Variants in WFS1 observed in about 807,000 individuals in gnomAD.
WFS1 encodes the protein wolframin.
WFS1 carries 90 observed loss-of-function variants against 68.5 expected under a neutral mutation model. The ratio of observed to expected loss-of-function variants is 1.31; its 90% confidence interval spans 1.11 to 1.56. WFS1 has a LOEUF of 1.56. Ranked by LOEUF, WFS1 falls within the 40% of genes most tolerant of loss-of-function variation. WFS1 has a pLI of 0.00. For missense variants in WFS1, 1,767 were observed against 1,232.6 expected (o/e 1.43, Z -6.49); for synonymous variants, 860 against 540.7 (o/e 1.59, Z -8.19).
At chr4:6,288,608 C>T (rs1730375534) in intron 3 of WFS1, 10 of 343,968 alleles carry the variant, frequency 2.9e-5, no homozygotes, top group South Asian at 2.6e-4. Context: ...CTCTCCAGCC[C>T]TGGCTTTCTA....
At position 6,301,719 on chromosome 4, in the gene WFS1, G is replaced by C; in HGVS notation, c.1924G>C (p.Ala642Pro). The change falls in exon 8 of 8, where the codon GCC (alanine) becomes CCC (proline). Residue 642 changes from alanine to proline, a missense_variant. Physicochemically the swap from Ala to Pro is conservative, Grantham distance 27 (BLOSUM62 -1). Coordinates refer to ENST00000226760, the MANE Select transcript of WFS1 (RefSeq NM_006005.3). ...MVKLILVWLT[A>P]IVLFCWFYVY... ...CAAGCTCATCCTGGTGTGGCTCACG[G>C]CCATCGTGCTGTTCTGCTGGTTCTA... The C allele has an allele frequency of 6.2e-7, 1 of 1,614,038 alleles. No individual in the cohort carries two copies. Among genetic ancestry groups the C allele is most frequent in the Non-Finnish European group, 8.5e-7 (1 of 1,180,048 alleles).
chr4:6,286,275 C>T (rs1050789590), intron 2 of WFS1, among the ~76,000 whole-genome samples: 1 of 152,096 alleles, frequency 6.6e-6, no homozygotes, highest in Admixed American at 6.6e-5. Context: ...GGAGGTGGGG[C>T]CTTTGGAGGT....
At chr4:6,276,540 G>A (rs994068493) in intron 1 of WFS1, among the ~76,000 whole-genome samples, 4 of 152,232 alleles carry the variant, frequency 2.6e-5, no homozygotes, top group African/African-American at 9.6e-5. Flanking sequence ...CTTGGGCCTG[G>A]GGTGGGGGCT....
At chr4:6,297,781 T>A (rs559439976) in intron 7 of WFS1, among the ~76,000 whole-genome samples, 1 of 152,314 alleles carries the variant, frequency 6.6e-6, no homozygotes, top group South Asian at 2.1e-4. Context: ...GAGTTGAATT[T>A]GTTTGGACCT....
chr4:6,270,117 C>T (rs1729757828), intron 1 of WFS1, 103 bp downstream of exon 1: 1 of 152,216 alleles, frequency 6.6e-6, no homozygotes, highest in Non-Finnish European at 1.5e-5. Flanking sequence ...TCAGTTTCCC[C>T]TTCCGAGCTG....
intron 2 of WFS1, among the ~76,000 whole-genome samples, chr4:6,285,517 T>A (rs530470411): frequency 3.3e-5 from 5 of 152,172 alleles, no homozygotes; most frequent in Non-Finnish European, 7.3e-5. Flanking sequence ...GATTCTTTCC[T>A]TCTCCAAACA....
chr4:6,270,307 C>T (rs1055919468), intron 1 of WFS1, among the ~76,000 whole-genome samples: 3 of 151,550 alleles, frequency 2.0e-5, no homozygotes, highest in Non-Finnish European at 1.5e-5. Flanking sequence ...ACAGCAGGCC[C>T]GAGAGGCGGA....
chr4:6,270,467 G>T (rs997482272), intron 1 of WFS1, among the ~76,000 whole-genome samples: 50 of 27,134 alleles, frequency 1.8e-3, no homozygotes, highest in African/African-American at 5.4e-3. Context: ...GAGGTGTTGT[G>T]GGGGGGAAGG....
At chr4:6,276,297 T>C (rs999610450) in intron 1 of WFS1, among the ~76,000 whole-genome samples, 1 of 152,190 alleles carries the variant, frequency 6.6e-6, no homozygotes, top group African/African-American at 2.4e-5. Context: ...TCTGTGTCTG[T>C]GGCCGGTGGT....
chr4:6,295,855 A>G (rs1730625993), intron 7 of WFS1, among the ~76,000 whole-genome samples: 1 of 152,222 alleles, frequency 6.6e-6, no homozygotes, highest in South Asian at 2.1e-4. Flanking sequence ...GGCCTCTCAC[A>G]GAGTTGCTCA....
At chr4:6,284,827 G>A (rs1238571876) in intron 2 of WFS1, among the ~76,000 whole-genome samples, 1 of 150,688 alleles carries the variant, frequency 6.6e-6, no homozygotes, top group Non-Finnish European at 1.5e-5. Context: ...GTGGAGCATG[G>A]ATCCACACGT....
rs186616724 is a variant in WFS1, at chr4:6,275,489, A to C, written c.-5-1962A>C. ...TCCCGGGAGCTGGGAACTTGGAAAC[A>C]GGATGGAGCAGGCTCCCAAGCTTGA... On this transcript the variant is annotated intron_variant, in intron 1 of 7. Transcript: ENST00000226760. Among the ~76,000 whole-genome samples the C allele has an allele frequency of 1.1e-4, 16 of 151,802 alleles. No homozygotes were observed. The East Asian group carries it at 3.1e-3, about 29-fold the overall frequency.
intron 7 of WFS1, among the ~76,000 whole-genome samples, chr4:6,299,015 C>A (rs1039683494): frequency 6.6e-6 from 1 of 152,244 alleles, no homozygotes; most frequent in African/African-American, 2.4e-5. Flanking sequence ...CCCTAGGCGT[C>A]CACTTCCTGG....
rs71524377 is a variant in WFS1 at position 6,301,914 on chromosome 4, G to A, written c.2119G>A (p.Val707Ile). The part of the protein sequence containing the change: ...RVTWTGRFKY[V>I]RVTDIDNSAE... ...CACGTGGACCGGCCGCTTCAAGTAC[G>A]TCCGCGTGACTGACATCGACAACAG... Residue 707 changes from valine (V) to isoleucine (I), a missense_variant, in exon 8 of 8, where the codon GTC (valine) becomes ATC (isoleucine). Val to Ile is a conservative substitution (Grantham distance 29, BLOSUM62 3). Coordinates refer to ENST00000226760, the MANE Select transcript of WFS1 (RefSeq NM_006005.3). 3.7e-5 allele frequency: 60 copies of A among 1,612,892 alleles called. No homozygotes were observed. Among genetic ancestry groups the A allele is most frequent in the African/African-American group, 2.1e-4 (16 of 75,052 alleles).
chr4:6,300,622 C>G (rs1578608082), intron 7 of WFS1, 35 bp from the exon 8 acceptor site: 1 of 1,613,338 alleles, frequency 6.2e-7, no homozygotes, highest in Admixed American at 1.7e-5. Flanking sequence ...GGGGTCCTGT[C>G]CCAGCCTCGT....
rs1578593842 is a variant in WFS1 at position 6,287,810 on chromosome 4, C to T, written c.315+635C>T. Among the ~76,000 whole-genome samples the T allele has an allele frequency of 1.3e-5, 2 of 152,206 alleles. No homozygotes were observed. Among genetic ancestry groups the T allele is most frequent in the Admixed American group, 1.3e-4 (2 of 15,280 alleles). On this transcript the variant is annotated intron_variant, in intron 3 of 7. Transcript: ENST00000226760. The surrounding 1 kb of genome is among the most constrained non-coding windows in gnomAD (Gnocchi z 6.4). ...CCTCTGTGGAGGCAAGTTCTCACCA[C>T]CTCACTCTGTCCCCTTGCACAGGGC...
In WFS1 at chr4:6,285,333, C is replaced by T. The variant is rs116355181; in HGVS notation, c.233-1760C>T. 2.6e-3 allele frequency among the ~76,000 whole-genome samples: 383 copies of T among 148,122 alleles called. 3 individuals are homozygous for T. The highest frequency in any genetic ancestry group is 7.7e-3 in the African/African-American group (306 of 39,902). On this transcript the variant is annotated intron_variant, in intron 2 of 7. Coordinates refer to ENST00000226760, the MANE Select transcript of WFS1 (RefSeq NM_006005.3). ...GGAGGGGTACATCCAGGGAGGTGGC[C>T]TGTCAGGGAGGGTGGTGTCCAGGGA...
chr4:6,292,454 T>A (rs532584534), intron 6 of WFS1, among the ~76,000 whole-genome samples: 7 of 152,124 alleles, frequency 4.6e-5, no homozygotes, highest in Admixed American at 3.3e-4. Context: ...GCGTAGGCCC[T>A]TTGTAGGTAG....
At chr4:6,292,109 C>A in intron 6 of WFS1, 112 bp downstream of exon 6, 1 of 1,118,146 alleles carries the variant, frequency 8.9e-7, no homozygotes. Context: ...CCCGTGCCTC[C>A]CAGCCTGCGC....
Sources: gnomAD v4.1 joint callset for allele counts (sites outside exome capture counted in the v4.1 genomes callset) on GRCh38, gnomAD v4.1.1 for gene constraint, Gnocchi (gnomAD v3.1) non-coding constraint, MANE v1.5 for transcripts, NCBI Gene and HGNC (gene_info 2026-07-23, HGNC 2026-07-21) for gene names.